The following LIMA1 variants were observed in gnomAD, a reference collection of about 807,000 sequenced individuals.
LIMA1 encodes the protein LIM domain and actin-binding protein 1.
Under a neutral mutation model 62.6 loss-of-function variants are expected in LIMA1, and 52 were observed. That is an observed-to-expected ratio of 0.83 (90% CI 0.67 to 1.05). The LOEUF is 1.05. Ranked by LOEUF, LIMA1 falls within the 50% of genes least tolerant of loss-of-function variation. LIMA1 has a pLI of 0.00. For missense variants in LIMA1, 780 were observed against 902.2 expected, an observed-to-expected ratio of 0.86 and a Z score of 1.74; for synonymous variants, 302 against 317.8, an observed-to-expected ratio of 0.95 and a Z score of 0.53.
chr12:50,245,428 A>AG (rs397978666), intron 2 of LIMA1, among the ~76,000 whole-genome samples: 25 of 147,934 alleles, frequency 1.7e-4, no homozygotes, highest in Admixed American at 7.4e-4. Context: ...AAAAAAAAAA[A>AG]GAGAGAGAGA....
At chr12:50,235,394 T>A (rs1001616303) in intron 2 of LIMA1, among the ~76,000 whole-genome samples, 12 of 150,988 alleles carry the variant, frequency 7.9e-5, no homozygotes. Flanking sequence ...TTCTCCTGAG[T>A]AGCTGGGATT....
intron 1 of LIMA1, among the ~76,000 whole-genome samples, chr12:50,260,477 A>G (rs1258584437): frequency 6.6e-6 from 1 of 152,200 alleles, no homozygotes. Flanking sequence ...TCCATGCTGG[A>G]TAGTTTCATA....
chr12:50,181,781 TTA>T (rs1940507431), intron 10 of LIMA1, 121 bp downstream of exon 10: 2 of 1,042,074 alleles, frequency 1.9e-6, no homozygotes, highest in African/African-American at 3.2e-5. Context: ...GCTTTTTACT[TTA>T]TTCAAGAGCC....
Position 50,185,765 on chromosome 12 carries a change from G to A in LIMA1, c.1141-3728C>T, listed in dbSNP as rs1940617403. 1.2e-5 allele frequency: 3 copies of A among 245,212 alleles called. No individual in the cohort carries two copies. In the South Asian group the frequency reaches 1.4e-4, roughly 11 times the overall value. 15.2% of individuals were successfully genotyped at this position (245,212 alleles called of 1,614,324 possible). A position where few individuals can be genotyped will look rare whatever the true frequency, so the allele number is the denominator to read the frequency against. Reference sequence around the variant, plus strand: ...CCACATCGGCTCTCTCTTTAATAGAGCCTTCACCCACATGGAGCAAAAAGT... The same window carrying A: ...CCACATCGGCTCTCTCTTTAATAGAACCTTCACCCACATGGAGCAAAAAGT... On this transcript the variant is annotated intron_variant, in intron 9 of 10. Transcript: ENST00000341247.
intron 4 of LIMA1, among the ~76,000 whole-genome samples, chr12:50,221,045 T>C (rs1941431422): frequency 6.6e-6 from 1 of 152,186 alleles, no homozygotes; most frequent in South Asian, 2.1e-4. Flanking sequence ...CTAATATAAC[T>C]GAAGACTACA....
chr12:50,261,674 A>AT (rs1003765467), intron 1 of LIMA1, among the ~76,000 whole-genome samples: 4 of 151,500 alleles, frequency 2.6e-5, no homozygotes, highest in African/African-American at 4.9e-5. Context: ...TCAGATGGTA[A>AT]TTTTTTTTCT....
intron 6 of LIMA1, among the ~76,000 whole-genome samples, chr12:50,202,842 T>C (rs1288833017): frequency 6.6e-6 from 1 of 152,166 alleles, no homozygotes; most frequent in Non-Finnish European, 1.5e-5. Flanking sequence ...TTCAATATTG[T>C]TCTTTTTGAT....
chr12:50,182,267 T>C (rs1283518658), intron 9 of LIMA1: 5 of 422,526 alleles, frequency 1.2e-5, no homozygotes, highest in Admixed American at 7.1e-5. Flanking sequence ...CCACCAAGGA[T>C]AGGTGGAGCT....
intron 8 of LIMA1, among the ~76,000 whole-genome samples, chr12:50,193,569 TG>T (rs1463695775): frequency 3.7e-5 from 4 of 109,078 alleles, no homozygotes; most frequent in African/African-American, 1.1e-4. Context: ...TATGTATATA[TG>T]ATATATATAT....
intron 1 of LIMA1, among the ~76,000 whole-genome samples, chr12:50,252,579 C>CAAAAAAAAAAA (rs397936373): frequency 3.4e-5 from 2 of 59,006 alleles, no homozygotes; most frequent in African/African-American, 6.5e-5. Context: ...GAAACTGTCT[C>CAAAAAAAAAAA]AAAAAAAAAA....
intron 2 of LIMA1, among the ~76,000 whole-genome samples, chr12:50,243,877 A>G (rs1941810938): frequency 6.6e-6 from 1 of 151,946 alleles, no homozygotes; most frequent in South Asian, 2.1e-4. Flanking sequence ...TTCCTCATAT[A>G]GTTTTTGTTA....
intron 2 of LIMA1, among the ~76,000 whole-genome samples, chr12:50,247,219 T>C (rs1444651081): frequency 6.6e-6 from 1 of 152,068 alleles, no homozygotes; most frequent in Non-Finnish European, 1.5e-5. Context: ...GGAGTCAAAT[T>C]GCCCTTCCCC....
intron 1 of LIMA1, among the ~76,000 whole-genome samples, chr12:50,275,709 A>T (rs898140628): frequency 1.8e-4 from 28 of 152,190 alleles, no homozygotes; most frequent in African/African-American, 6.8e-4. Flanking sequence ...TAACTGCATG[A>T]GCAAAGGCAC....
intron 4 of LIMA1, among the ~76,000 whole-genome samples, chr12:50,210,431 A>G (rs545356536): frequency 2.0e-5 from 3 of 151,644 alleles, no homozygotes; most frequent in Non-Finnish European, 4.4e-5. Flanking sequence ...AAAAAAAAAA[A>G]AAAAGAAAAA....
intron 2 of LIMA1, among the ~76,000 whole-genome samples, chr12:50,235,678 C>A (rs1941682094): frequency 6.6e-6 from 1 of 152,104 alleles, no homozygotes; most frequent in Non-Finnish European, 1.5e-5. Flanking sequence ...GGTAAAAGGG[C>A]TACCAAAAAT....
chr12:50,218,895 T>TAAAAAAAA (rs1409254811), intron 4 of LIMA1, among the ~76,000 whole-genome samples: 4 of 73,996 alleles, frequency 5.4e-5, no homozygotes, highest in African/African-American at 1.9e-4. Context: ...CCTATCTCCA[T>TAAAAAAAA]AAAAAAAAAA....
intron 2 of LIMA1, among the ~76,000 whole-genome samples, chr12:50,242,380 G>A (rs1941791031): frequency 6.6e-6 from 1 of 151,002 alleles, no homozygotes; most frequent in African/African-American, 2.4e-5. Flanking sequence ...TTTTAAGATA[G>A]GTTCTCACTC....
At chr12:50,195,414 G>GA (rs1384691306) in intron 8 of LIMA1, among the ~76,000 whole-genome samples, 5 of 151,802 alleles carry the variant, frequency 3.3e-5, no homozygotes, top group East Asian at 1.9e-4. Context: ...GATAAACAGG[G>GA]AAAAAATATG....
intron 1 of LIMA1, among the ~76,000 whole-genome samples, chr12:50,270,732 A>T (rs1942199660): frequency 1.3e-5 from 2 of 152,012 alleles, no homozygotes; most frequent in Non-Finnish European, 2.9e-5. Flanking sequence ...ATGAACCCCA[A>T]ATTAGTTTTT....
Sources: allele counts gnomAD v4.1 joint callset (sites outside exome capture counted in the v4.1 genomes callset), GRCh38; gene constraint gnomAD v4.1.1; transcripts MANE v1.5; gene names NCBI Gene and HGNC (gene_info 2026-07-23, HGNC 2026-07-21).